Variants in MECOM observed in about 807,000 individuals in gnomAD.
MECOM encodes the protein MDS1 and EVI1 complex locus, also known as histone-lysine N-methyltransferase MECOM.
MECOM carries 13 observed loss-of-function variants against 116.3 expected under a neutral mutation model. That is an observed-to-expected ratio of 0.11 (90% CI 0.07 to 0.18). The LOEUF is 0.18. Among genes scored for constraint, MECOM ranks in the 10% least tolerant of loss-of-function variants. MECOM has a pLI of 1.00. For missense variants in MECOM, 1,299 were observed against 1,509.0 expected, an observed-to-expected ratio of 0.86 and a Z score of 2.31; for synonymous variants, 528 against 535.2, an observed-to-expected ratio of 0.99 and a Z score of 0.19.
intron 1 of MECOM, among the ~76,000 whole-genome samples, chr3:169,393,660 C>T: frequency 6.6e-6 from 1 of 152,020 alleles, no homozygotes; most frequent in East Asian, 1.9e-4. Context: ...CTAGAATAAA[C>T]AATATCTCAG....
Position 169,644,240 on chromosome 3 carries a change from A to G in MECOM, c.37+19096T>C, listed in dbSNP as rs761202797. Among the ~76,000 whole-genome samples the G allele has an allele frequency of 1.1e-3, 38 of 35,114 alleles. No individual in the cohort carries two copies. The African/African-American group carries it at 0.011, about 10-fold the overall frequency. The allele number at this position is 35,114 out of a possible 152,430, so 23.0% of individuals were successfully genotyped here. The stretch of plus-strand genomic sequence containing the variant: ...CGCATTTTATTTTATTTATTTGTTT[A>G]TTTATTTATTTATTTATTTATTTAT... On this transcript the variant is annotated intron_variant, in intron 1 of 16. Coordinates refer to ENST00000651503, the MANE Select transcript of MECOM (RefSeq NM_004991.4).
At chr3:169,425,132 AG>A (rs1457552825) in intron 1 of MECOM, among the ~76,000 whole-genome samples, 1 of 146,116 alleles carries the variant, frequency 6.8e-6, no homozygotes, top group Non-Finnish European at 1.5e-5. Context: ...TCAGATAACC[AG>A]TTGGAATCAA....
At chr3:169,403,418 C>T (rs903306399) in intron 1 of MECOM, among the ~76,000 whole-genome samples, 17 of 152,150 alleles carry the variant, frequency 1.1e-4, no homozygotes, top group African/African-American at 3.9e-4. Context: ...GTAATGGGTG[C>T]AATAGACACC....
At chr3:169,228,363 T>C (rs1752989556) in intron 2 of MECOM, among the ~76,000 whole-genome samples, 1 of 152,166 alleles carries the variant, frequency 6.6e-6, no homozygotes. Flanking sequence ...TTAAAGTCAC[T>C]CATGATGCAG....
At chr3:169,523,247 G>C (rs1757564736) in intron 1 of MECOM, among the ~76,000 whole-genome samples, 1 of 152,138 alleles carries the variant, frequency 6.6e-6, no homozygotes, top group South Asian at 2.1e-4. Flanking sequence ...GGACAATAAA[G>C]GGTCTTGGGA....
chr3:169,606,006 T>G (rs928818974), intron 1 of MECOM, among the ~76,000 whole-genome samples: 1 of 152,136 alleles, frequency 6.6e-6, no homozygotes, highest in African/African-American at 2.4e-5. Context: ...CAGGTGAAAG[T>G]TGACTGGTAG....
intron 1 of MECOM, among the ~76,000 whole-genome samples, chr3:169,411,003 C>T (rs1269717593): frequency 2.6e-5 from 4 of 152,070 alleles, no homozygotes; most frequent in African/African-American, 9.7e-5. Flanking sequence ...TGCCCATTTT[C>T]CACTACTGAA....
chr3:169,135,547 A>G (rs77463690), intron 3 of MECOM, among the ~76,000 whole-genome samples: 10,763 of 152,010 alleles, frequency 0.071, 454 homozygotes, highest in East Asian at 0.15. Flanking sequence ...GTCATAATAA[A>G]TATTTTAAAA....
chr3:169,306,924 G>A (rs901043381), intron 2 of MECOM, among the ~76,000 whole-genome samples: 1 of 152,150 alleles, frequency 6.6e-6, no homozygotes, highest in African/African-American at 2.4e-5. Flanking sequence ...GGAAGTTGAT[G>A]ACTCCCAAAC....
At position 169,097,817 on chromosome 3, in the gene MECOM, T is replaced by TAAAAA. The variant is rs539873617; in HGVS notation, c.2850-2577_2850-2573dup. 1.8e-4 allele frequency among the ~76,000 whole-genome samples: 16 copies of TAAAAA among 87,182 alleles called. 2 individuals are homozygous for TAAAAA. Among genetic ancestry groups the TAAAAA allele is most frequent in the Admixed American group, 3.6e-4 (2 of 5,544 alleles). 57.2% of individuals were successfully genotyped at this position (87,182 alleles called of 152,430 possible). ...AACAGAGTGAGACCTACTGTCTATA[T>TAAAAA]AAAAAAAAAAAAAAAAAAAAAAAGG... On this transcript the variant is annotated intron_variant, in intron 12 of 16. Coordinates refer to ENST00000651503, the MANE Select transcript of MECOM (RefSeq NM_004991.4).
At chr3:169,138,365 C>T (rs779872103) in intron 3 of MECOM, among the ~76,000 whole-genome samples, 3 of 152,078 alleles carry the variant, frequency 2.0e-5, no homozygotes, top group Admixed American at 1.3e-4. Context: ...GGTATTGTTA[C>T]ATGAAGGAAA....
rs1162711213 is a variant in MECOM at position 169,663,651 on chromosome 3, C to T, written c.-279G>A. ...CTCTCAATCCACACTCGCTATCTCT[C>T]CAGCATTGTCAGTTTGGACACCTTC... On this transcript the variant is annotated 5_prime_UTR_variant, in exon 1 of 17. Coordinates refer to ENST00000651503, the MANE Select transcript of MECOM (RefSeq NM_004991.4). 1 of 473,786 alleles carries T rather than the reference C, an allele frequency of 2.1e-6. No homozygotes were observed. The highest frequency in any genetic ancestry group is 3.3e-5 in the East Asian group (1 of 30,314). 29.3% of individuals were successfully genotyped at this position (473,786 alleles called of 1,614,324 possible). A position where few individuals can be genotyped will look rare whatever the true frequency, so the allele number is the denominator to read the frequency against.
chr3:169,428,387 C>T (rs993769806), intron 1 of MECOM, among the ~76,000 whole-genome samples: 13 of 152,244 alleles, frequency 8.5e-5, no homozygotes, highest in East Asian at 3.9e-4. Flanking sequence ...CCTTCACATG[C>T]GCAGTTCACA....
At chr3:169,176,563 A>G (rs1262812483) in intron 2 of MECOM, among the ~76,000 whole-genome samples, 4 of 152,194 alleles carry the variant, frequency 2.6e-5, no homozygotes, top group African/African-American at 9.7e-5. Flanking sequence ...ATGGGCAAAG[A>G]CTTCATGATG....
At chr3:169,460,778 T>C (rs1747309380) in intron 1 of MECOM, among the ~76,000 whole-genome samples, 1 of 152,136 alleles carries the variant, frequency 6.6e-6, no homozygotes, top group Non-Finnish European at 1.5e-5. Flanking sequence ...ACTCAGGTTT[T>C]GTCAAGAGTG....
intron 2 of MECOM, among the ~76,000 whole-genome samples, chr3:169,263,547 G>C (rs1014031277): frequency 7.0e-6 from 1 of 143,304 alleles, no homozygotes; most frequent in African/African-American, 2.7e-5. Context: ...CACACACACA[G>C]AGTTCATTTT....
At chr3:169,633,916 AAAC>A (rs1345457835) in intron 1 of MECOM, among the ~76,000 whole-genome samples, 69 of 131,778 alleles carry the variant, frequency 5.2e-4, no homozygotes, top group African/African-American at 6.8e-4. Flanking sequence ...AAAAAAAAAA[AAAC>A]AAAAAACAAA....
intron 2 of MECOM, among the ~76,000 whole-genome samples, chr3:169,147,920 T>C (rs1465696407): frequency 6.6e-6 from 1 of 151,930 alleles, no homozygotes; most frequent in Non-Finnish European, 1.5e-5. Flanking sequence ...ATAGGGACGC[T>C]AGTTCAGACT....
intron 1 of MECOM, among the ~76,000 whole-genome samples, chr3:169,405,123 T>A (rs1736492645): frequency 6.6e-6 from 1 of 152,212 alleles, no homozygotes; most frequent in Admixed American, 6.5e-5. Context: ...TTTGCTAATG[T>A]TCTATCGCTG....
Sources: gnomAD v4.1 joint callset for allele counts (sites outside exome capture counted in the v4.1 genomes callset) on GRCh38, gnomAD v4.1.1 for gene constraint, MANE v1.5 for transcripts, NCBI Gene and HGNC (gene_info 2026-07-23, HGNC 2026-07-21) for gene names.